NT5C3A: variants seen among roughly 807,000 people sequenced by gnomAD.
NT5C3A encodes the protein cytosolic 5'-nucleotidase 3A.
NT5C3A carries 23 observed loss-of-function variants against 40.0 expected under a neutral mutation model. That is an observed-to-expected ratio of 0.58 (90% CI 0.41 to 0.81). The LOEUF (loss-of-function observed/expected upper bound fraction) is 0.81, where lower values mean the gene tolerates loss of function less well. NT5C3A is among the 40% of genes least tolerant of loss of function. The pLI, the probability that NT5C3A is intolerant of heterozygous loss-of-function variation, is 0.00. For synonymous variants in NT5C3A, 130 were observed against 141.4 expected (o/e 0.92, Z 0.57); for missense variants, 328 against 403.0 (o/e 0.81, Z 1.59).
At chr7:33,061,609 T>C (rs186456455) in intron 1 of NT5C3A, among the ~76,000 whole-genome samples, 1 of 152,320 alleles carries the variant, frequency 6.6e-6, no homozygotes, top group Admixed American at 6.5e-5. Context: ...CTTTCGTCAG[T>C]TGGAACATAT....
intron 1 of NT5C3A, chr7:33,036,532 G>A (rs1480677449): frequency 6.5e-6 from 1 of 154,482 alleles, no homozygotes; most frequent in East Asian, 1.9e-4. Context: ...CATTTTGTAT[G>A]GAGAATCTGA....
At chr7:33,031,570 C>G (rs1396754440) in intron 1 of NT5C3A, among the ~76,000 whole-genome samples, 1 of 151,452 alleles carries the variant, frequency 6.6e-6, no homozygotes, top group Non-Finnish European at 1.5e-5. Context: ...CTGGGTGACA[C>G]AGTGAGACCC....
At chr7:33,057,204 A>G (rs1787606078) in intron 1 of NT5C3A, among the ~76,000 whole-genome samples, 1 of 152,062 alleles carries the variant, frequency 6.6e-6, no homozygotes, top group South Asian at 2.1e-4. Flanking sequence ...AAGTGGAAGA[A>G]GGGAAGAAGT....
rs775268512 is a variant in NT5C3A at position 33,026,876 on chromosome 7, G to A, written c.178C>T (p.Pro60Ser). Residue 60 changes from proline to serine, a missense_variant, in exon 2 of 9, where the codon CCT (proline) becomes TCT (serine). Coordinates refer to ENST00000610140, the MANE Select transcript of NT5C3A (RefSeq NM_001002010.5). ...FQKSSVRIKN[P>S]TRVEEIICGL... Reference sequence around the variant, plus strand: ...CAGATAATTTCTTCTACTCTTGTAGGGTTCTTGATTCGAACTGAACTTTTC... The same window carrying A: ...CAGATAATTTCTTCTACTCTTGTAGAGTTCTTGATTCGAACTGAACTTTTC... The A allele has an allele frequency of 3.1e-6, 5 of 1,612,700 alleles. No individual in the cohort carries two copies. The highest frequency in any genetic ancestry group is 2.5e-6 in the Non-Finnish European group (3 of 1,179,696).
At chr7:33,037,785 C>A (rs1344834798) in intron 1 of NT5C3A, among the ~76,000 whole-genome samples, 5 of 151,838 alleles carry the variant, frequency 3.3e-5, no homozygotes, top group Non-Finnish European at 5.9e-5. Flanking sequence ...GTATATATAT[C>A]GATATAAAGA....
chr7:33,059,325 T>C (rs977865755), intron 1 of NT5C3A, among the ~76,000 whole-genome samples: 5 of 152,244 alleles, frequency 3.3e-5, no homozygotes, highest in African/African-American at 1.2e-4. Flanking sequence ...AACTATTTCA[T>C]GAACATTTCT....
At chr7:33,039,232 C>T (rs961881592) in intron 1 of NT5C3A, among the ~76,000 whole-genome samples, 2 of 152,026 alleles carry the variant, frequency 1.3e-5, no homozygotes, top group Non-Finnish European at 1.5e-5. Flanking sequence ...AAAAAATTAC[C>T]TGATTTAAAG....
chr7:33,033,374 C>T (rs1405146132), intron 1 of NT5C3A, among the ~76,000 whole-genome samples: 1 of 152,160 alleles, frequency 6.6e-6, no homozygotes, highest in Non-Finnish European at 1.5e-5. Flanking sequence ...TTAGTAATAG[C>T]GATTTCCCTT....
intron 1 of NT5C3A, among the ~76,000 whole-genome samples, chr7:33,028,763 T>C (rs1190700780): frequency 6.6e-6 from 1 of 151,618 alleles, no homozygotes; most frequent in Non-Finnish European, 1.5e-5. Context: ...AACGAAAGTG[T>C]AGAGGAAAGA....
intron 7 of NT5C3A, 112 bp downstream of exon 7, chr7:33,017,327 G>A (rs750736377): frequency 2.8e-5 from 22 of 793,944 alleles, no homozygotes; most frequent in African/African-American, 2.3e-4. Context: ...TGGGCCTATC[G>A]GCTTGGCCTA....
At chr7:33,041,550 T>TGTAA (rs1786912152) in intron 1 of NT5C3A, among the ~76,000 whole-genome samples, 2 of 152,096 alleles carry the variant, frequency 1.3e-5, no homozygotes, top group African/African-American at 2.4e-5. Flanking sequence ...TATATGCAAA[T>TGTAA]GTGGTCAAAA....
At chr7:33,050,282 G>A (rs1787316560) in intron 1 of NT5C3A, among the ~76,000 whole-genome samples, 1 of 152,184 alleles carries the variant, frequency 6.6e-6, no homozygotes, top group Admixed American at 6.5e-5. Flanking sequence ...ATGGGAGTCA[G>A]TTTCTAACTG....
At chr7:33,045,012 A>C (rs1032055523) in intron 1 of NT5C3A, among the ~76,000 whole-genome samples, 2 of 152,218 alleles carry the variant, frequency 1.3e-5, no homozygotes, top group African/African-American at 4.8e-5. Flanking sequence ...TACAATCTAC[A>C]CTTGCCTACT....
chr7:33,039,562 G>A (rs6462454), intron 1 of NT5C3A, among the ~76,000 whole-genome samples: 2 of 120,512 alleles, frequency 1.7e-5, no homozygotes, highest in East Asian at 2.3e-4. Flanking sequence ...TGGGTTTTTT[G>A]TTTTTTTTTT....
At chr7:33,016,923 C>CT (rs1785363627) in intron 7 of NT5C3A, among the ~76,000 whole-genome samples, 3 of 152,132 alleles carry the variant, frequency 2.0e-5, no homozygotes, top group Admixed American at 2.0e-4. Flanking sequence ...TGGCTCATGC[C>CT]TGTAATCCCA....
intron 7 of NT5C3A, chr7:33,017,182 C>CA (rs11286607): frequency 0.018 from 5,653 of 317,034 alleles, 12 homozygotes; most frequent in African/African-American, 0.031. Context: ...GACTCCATCT[C>CA]AAAAAAAAAA....
intron 1 of NT5C3A, among the ~76,000 whole-genome samples, chr7:33,027,796 C>T (rs117532024): frequency 0.014 from 2,076 of 152,232 alleles, 25 homozygotes; most frequent in South Asian, 0.065. Flanking sequence ...AACTAAACTT[C>T]CACCCTAATA....
intron 1 of NT5C3A, among the ~76,000 whole-genome samples, chr7:33,054,318 C>T (rs1787485096): frequency 6.6e-6 from 1 of 150,756 alleles, no homozygotes; most frequent in Admixed American, 6.6e-5. Flanking sequence ...GGTGCCACTG[C>T]ACTCCAGCCT....
intron 5 of NT5C3A, among the ~76,000 whole-genome samples, chr7:33,020,028 G>A (rs905720251): frequency 6.6e-6 from 1 of 152,112 alleles, no homozygotes; most frequent in African/African-American, 2.4e-5. Context: ...CCCAACCTAT[G>A]GAAGCATAAT....
Sources: gnomAD v4.1 joint callset for allele counts (sites outside exome capture counted in the v4.1 genomes callset) on GRCh38, gnomAD v4.1.1 for gene constraint, MANE v1.5 for transcripts, NCBI Gene and HGNC (gene_info 2026-07-23, HGNC 2026-07-21) for gene names.